Variants in GFRA1 observed in about 807,000 individuals in gnomAD.
The protein encoded by GFRA1 is GDNF family receptor alpha-1.
In GFRA1, 16 loss-of-function variants were observed where a neutral mutation model predicts 51.6. The observed-to-expected ratio is 0.31, with a 90% CI of 0.21 to 0.47. The LOEUF is 0.47. Ranked by LOEUF, GFRA1 falls within the 20% of genes least tolerant of loss-of-function variation. The pLI, the probability that GFRA1 is intolerant of heterozygous loss-of-function variation, is 1.00. For missense variants in GFRA1, 530 were observed against 594.3 expected (o/e 0.89, Z 1.13); for synonymous variants, 270 against 241.3 (o/e 1.12, Z -1.10).
intron 5 of GFRA1, among the ~76,000 whole-genome samples, chr10:116,161,748 C>T (rs1037526421): frequency 1.3e-5 from 2 of 152,194 alleles, no homozygotes; most frequent in African/African-American, 4.8e-5. Context: ...TGTGAGGCTC[C>T]CTCAGCCATG....
chr10:116,107,032 C>A (rs961674253), intron 6 of GFRA1, among the ~76,000 whole-genome samples: 3 of 152,164 alleles, frequency 2.0e-5, no homozygotes, highest in African/African-American at 7.2e-5. Context: ...ATGCCAGCAC[C>A]ATGCTTCCTG....
At chr10:116,133,267 G>GC (rs1233840876) in intron 5 of GFRA1, among the ~76,000 whole-genome samples, 6 of 151,970 alleles carry the variant, frequency 3.9e-5, no homozygotes, top group African/African-American at 1.5e-4. Context: ...ATTCCACACA[G>GC]CCATGTTGTC....
Position 116,272,006 on chromosome 10 carries a change from G to A in GFRA1, c.24C>T (p.Phe8=), listed in dbSNP as rs1304242378. Residue 8 remains phenylalanine (F), a synonymous_variant, in exon 2 of 11, where the codon TTC becomes TTT. Transcript: ENST00000355422. This position sits in a 1 kb window ranked among gnomAD's most constrained non-coding sequence, Gnocchi z 4.4. Reference sequence around the variant, plus strand: ...TCGACTTACCCAAGAGCGGCAGCGCGAAGTACAGGGTCGCCAGGAACATGG... The same window carrying A: ...TCGACTTACCCAAGAGCGGCAGCGCAAAGTACAGGGTCGCCAGGAACATGG... MFLATLY[F]ALPLLDLLLS... The A allele has an allele frequency of 1.3e-6, 2 of 1,558,278 alleles. No individual in the cohort carries two copies. The highest frequency in any genetic ancestry group is 1.4e-5 in the African/African-American group (1 of 73,396).
chr10:116,196,703 ATATT>A (rs1238734901), intron 5 of GFRA1, among the ~76,000 whole-genome samples: 2 of 55,438 alleles, frequency 3.6e-5, no homozygotes, highest in African/African-American at 8.6e-5. Flanking sequence ...TATATAATAT[ATATT>A]ATATATAGTA....
At chr10:116,080,854 T>C (rs576948151) in intron 9 of GFRA1, among the ~76,000 whole-genome samples, 1 of 152,304 alleles carries the variant, frequency 6.6e-6, no homozygotes, top group African/African-American at 2.4e-5. Flanking sequence ...ACGTGGTCAA[T>C]GATTCAATCA....
At chr10:116,216,974 G>A (rs760076988) in intron 4 of GFRA1, among the ~76,000 whole-genome samples, 1 of 152,196 alleles carries the variant, frequency 6.6e-6, no homozygotes, top group Non-Finnish European at 1.5e-5. Context: ...GACATGAAGA[G>A]TAACAAGAAT....
chr10:116,172,350 C>T (rs10787632), intron 5 of GFRA1, among the ~76,000 whole-genome samples: 75,889 of 151,918 alleles, frequency 0.5, 20,215 homozygotes, highest in Middle Eastern at 0.62. Flanking sequence ...ATCTGTTCCC[C>T]ATTGAAGTGG....
At chr10:116,096,001 T>C (rs1484692298) in intron 7 of GFRA1, among the ~76,000 whole-genome samples, 1 of 152,138 alleles carries the variant, frequency 6.6e-6, no homozygotes, top group African/African-American at 2.4e-5. Context: ...GCTTCCCTTC[T>C]GACTCTCACG....
In GFRA1 at chr10:116,058,040, G is replaced by GTA. The variant is rs1555140517; in HGVS notation, c.*6357_*6358insTA. 41 of 141,442 alleles carry GTA rather than the reference G, an allele frequency of 2.9e-4. 1 individual carries two copies. The highest frequency in any genetic ancestry group is 1.1e-3 in the African/African-American group (40 of 37,538). The allele number at this position is 141,442 out of a possible 1,614,324, so 8.8% of individuals were successfully genotyped here. A position where few individuals can be genotyped will look rare whatever the true frequency, so the allele number is the denominator to read the frequency against. ...TGTGTGTGTGTGTGTGTGTGTGTGT[G>GTA]TGACAGAGAGAACCACGCTTTATTG... On this transcript the variant is annotated 3_prime_UTR_variant, in exon 11 of 11. Coordinates refer to ENST00000355422, the MANE Select transcript of GFRA1 (RefSeq NM_005264.8).
At chr10:116,195,733 G>A (rs1336067865) in intron 5 of GFRA1, among the ~76,000 whole-genome samples, 4 of 152,190 alleles carry the variant, frequency 2.6e-5, no homozygotes, top group Non-Finnish European at 5.9e-5. Context: ...GGAAAGGTAA[G>A]AGAAATCAGC....
intron 4 of GFRA1, 51 bp from the exon 5 acceptor site, chr10:116,211,696 G>T (rs186315190): frequency 5.8e-5 from 78 of 1,356,278 alleles, no homozygotes; most frequent in Non-Finnish European, 7.7e-5. Context: ...AAAGAGAGGA[G>T]AAAAAATATT....
At position 116,059,773 on chromosome 10, in the gene GFRA1, C is replaced by A. The variant is rs1321624832; in HGVS notation, c.*4625G>T. The A allele has an allele frequency of 1.3e-5, 2 of 152,172 alleles. No individual in the cohort carries two copies. Among genetic ancestry groups the A allele is most frequent in the Admixed American group, 1.3e-4 (2 of 15,274 alleles). The allele number at this position is 152,172 out of a possible 1,614,324, so 9.4% of individuals were successfully genotyped here. On this transcript the variant is annotated 3_prime_UTR_variant, in exon 11 of 11. Coordinates refer to ENST00000355422, the MANE Select transcript of GFRA1 (RefSeq NM_005264.8). ...GGATTCCTGGCAAGGATGAGACCAT[C>A]CCCAATCCCAAAGCTAAGAAGAGGG... is the stretch of plus-strand genomic sequence containing the variant.
intron 5 of GFRA1, among the ~76,000 whole-genome samples, chr10:116,135,145 T>A (rs956761616): frequency 6.6e-6 from 1 of 152,306 alleles, no homozygotes; most frequent in South Asian, 2.1e-4. Flanking sequence ...AGTGCCTCAT[T>A]GTACATCAGA....
intron 5 of GFRA1, among the ~76,000 whole-genome samples, chr10:116,157,116 T>C (rs900755085): frequency 6.6e-6 from 1 of 152,122 alleles, no homozygotes; most frequent in Non-Finnish European, 1.5e-5. Flanking sequence ...ACATTAAGAA[T>C]TTAAAGGAAA....
chr10:116,177,231 G>A (rs770164323), intron 5 of GFRA1, among the ~76,000 whole-genome samples: 3 of 152,154 alleles, frequency 2.0e-5, no homozygotes, highest in Non-Finnish European at 1.5e-5. Flanking sequence ...AATGACAGGA[G>A]CACATCTATG....
At chr10:116,113,403 C>A (rs989028132) in intron 6 of GFRA1, among the ~76,000 whole-genome samples, 2 of 152,070 alleles carry the variant, frequency 1.3e-5, no homozygotes, top group African/African-American at 2.4e-5. Flanking sequence ...ATAAAGGAGT[C>A]CAGAAACCAA....
At position 116,094,913 on chromosome 10, in the gene GFRA1, C is replaced by T. The variant is rs971867526; in HGVS notation, c.881-1077G>A. On this transcript the variant is annotated intron_variant, in intron 7 of 10. Coordinates refer to ENST00000355422, the MANE Select transcript of GFRA1 (RefSeq NM_005264.8). Reference sequence around the variant, plus strand: ...AGGCCATTGGATATGCCTGGTGCCACGGTGGGCCCCTGGCATACATGGAAG... The same window carrying T: ...AGGCCATTGGATATGCCTGGTGCCATGGTGGGCCCCTGGCATACATGGAAG... 5.3e-5 allele frequency among the ~76,000 whole-genome samples: 8 copies of T among 152,174 alleles called. No homozygotes were observed. The East Asian group carries it at 7.7e-4, about 15-fold the overall frequency.
At chr10:116,104,987 A>C (rs1003020503) in intron 6 of GFRA1, among the ~76,000 whole-genome samples, 1 of 152,210 alleles carries the variant, frequency 6.6e-6, no homozygotes, top group African/African-American at 2.4e-5. Flanking sequence ...GGAGCACAGA[A>C]AGATCTCCAA....
chr10:116,251,442 T>G (rs1968352818), intron 4 of GFRA1, among the ~76,000 whole-genome samples: 1 of 151,954 alleles, frequency 6.6e-6, no homozygotes, highest in Non-Finnish European at 1.5e-5. Context: ...ATCATACACC[T>G]CCCCCACGAG....
Sources: allele counts gnomAD v4.1 joint callset (sites outside exome capture counted in the v4.1 genomes callset), GRCh38; gene constraint gnomAD v4.1.1; non-coding constraint Gnocchi (gnomAD v3.1); transcripts MANE v1.5; gene names NCBI Gene and HGNC (gene_info 2026-07-23, HGNC 2026-07-21).